Variants in ADGRL3 observed in about 807,000 individuals in gnomAD.
ADGRL3 encodes adhesion G protein-coupled receptor L3.
Under a neutral mutation model 153.5 loss-of-function variants are expected in ADGRL3, and 62 were observed. That is an observed-to-expected ratio of 0.40 (90% CI 0.33 to 0.50). The LOEUF is 0.50. Among genes scored for constraint, ADGRL3 ranks in the 20% least tolerant of loss-of-function variants. The pLI, the probability that ADGRL3 is intolerant of heterozygous loss-of-function variation, is 0.47. For missense variants in ADGRL3, 1,641 were observed against 1,859.4 expected (o/e 0.88, Z 2.16); for synonymous variants, 710 against 672.5 (o/e 1.06, Z -0.86).
At chr4:62,041,286 C>T (rs1728134004) in intron 24 of ADGRL3, among the ~76,000 whole-genome samples, 1 of 152,030 alleles carries the variant, frequency 6.6e-6, no homozygotes, top group African/African-American at 2.4e-5. Flanking sequence ...TTATAATATG[C>T]ATCAGTCACA....
chr4:61,771,906 A>G, intron 8 of ADGRL3, among the ~76,000 whole-genome samples: 1 of 152,170 alleles, frequency 6.6e-6, no homozygotes, highest in East Asian at 1.9e-4. Flanking sequence ...AAAACCTCCT[A>G]CAAGCTAGTC....
At chr4:61,805,725 G>A (rs1008870185) in intron 8 of ADGRL3, among the ~76,000 whole-genome samples, 1 of 151,956 alleles carries the variant, frequency 6.6e-6, no homozygotes, top group African/African-American at 2.4e-5. Flanking sequence ...CCTAATAATT[G>A]TATTATTTTG....
intron 9 of ADGRL3, among the ~76,000 whole-genome samples, chr4:61,871,075 G>A (rs9997620): frequency 0.36 from 55,435 of 151,914 alleles, 10,705 homozygotes; most frequent in African/African-American, 0.47. Flanking sequence ...TCAGGAGATC[G>A]AGACCATCCT....
chr4:61,283,367 G>A (rs913440208), intron 1 of ADGRL3, among the ~76,000 whole-genome samples: 2 of 152,066 alleles, frequency 1.3e-5, no homozygotes, highest in Non-Finnish European at 2.9e-5. Context: ...CCTAAGAACT[G>A]AGAGTTTTTC....
At chr4:61,784,683 T>A (rs1013181674) in intron 8 of ADGRL3, among the ~76,000 whole-genome samples, 5 of 152,232 alleles carry the variant, frequency 3.3e-5, no homozygotes, top group Admixed American at 3.3e-4. Context: ...TTCCTAAGAA[T>A]TGGGTTCAGA....
chr4:61,841,733 C>A (rs914998270), intron 9 of ADGRL3, among the ~76,000 whole-genome samples: 38 of 152,200 alleles, frequency 2.5e-4, no homozygotes, highest in African/African-American at 8.2e-4. Context: ...AAAATAATTT[C>A]CACTGCTGAA....
At chr4:62,040,648 C>G (rs1230078677) in intron 24 of ADGRL3, among the ~76,000 whole-genome samples, 1 of 152,066 alleles carries the variant, frequency 6.6e-6, no homozygotes, top group South Asian at 2.1e-4. Context: ...CTTCTAATCT[C>G]TGGGGATAAA....
intron 5 of ADGRL3, among the ~76,000 whole-genome samples, chr4:61,665,485 T>A (rs911919126): frequency 1.3e-5 from 2 of 152,030 alleles, no homozygotes; most frequent in Non-Finnish European, 2.9e-5. Context: ...TGTTATCGTC[T>A]CCAAGTAATA....
At chr4:61,234,740 G>A (rs1450340597) in intron 1 of ADGRL3, among the ~76,000 whole-genome samples, 1 of 152,134 alleles carries the variant, frequency 6.6e-6, no homozygotes, top group Non-Finnish European at 1.5e-5. Context: ...AGCAGTTTTA[G>A]TGAAGGGTGG....
chr4:61,592,455 A>G (rs2098973619), intron 5 of ADGRL3, among the ~76,000 whole-genome samples: 1 of 152,214 alleles, frequency 6.6e-6, no homozygotes, highest in Non-Finnish European at 1.5e-5. Context: ...TCTATGTAAT[A>G]AAAAGAAAGA....
At chr4:61,857,004 CTT>C (rs769065630) in intron 9 of ADGRL3, among the ~76,000 whole-genome samples, 5,610 of 122,120 alleles carry the variant, frequency 0.046, 276 homozygotes, top group African/African-American at 0.066. Context: ...TTCTTTCTTT[CTT>C]TCTTTCTTTC....
chr4:61,620,762 TC>T (rs2092448840), intron 5 of ADGRL3, among the ~76,000 whole-genome samples: 1 of 144,454 alleles, frequency 6.9e-6, no homozygotes, highest in African/African-American at 2.6e-5. Flanking sequence ...TGCCTCAGCC[TC>T]CCAAGTAGCT....
chr4:61,815,566 G>A (rs1205735453), intron 9 of ADGRL3, among the ~76,000 whole-genome samples: 2 of 152,182 alleles, frequency 1.3e-5, no homozygotes, highest in East Asian at 1.9e-4. Flanking sequence ...AGGGAAAGGG[G>A]CAGAAATGCC....
At chr4:61,836,631 A>G (rs2097940023) in intron 9 of ADGRL3, among the ~76,000 whole-genome samples, 1 of 152,098 alleles carries the variant, frequency 6.6e-6, no homozygotes, top group Non-Finnish European at 1.5e-5. Flanking sequence ...CCTTATGCTA[A>G]TATTTTTCCT....
At chr4:61,390,383 T>C (rs2096788763) in intron 2 of ADGRL3, among the ~76,000 whole-genome samples, 1 of 152,210 alleles carries the variant, frequency 6.6e-6, no homozygotes, top group East Asian at 1.9e-4. Context: ...CAAAAAAGGC[T>C]GCTTATTTCT....
intron 1 of ADGRL3, among the ~76,000 whole-genome samples, 182 bp downstream of exon 1, chr4:61,201,947 T>A (rs1577835234): frequency 6.6e-6 from 1 of 152,102 alleles, no homozygotes; most frequent in South Asian, 2.1e-4. Flanking sequence ...GAAGGGAACC[T>A]CCTGGCTGGT....
chr4:61,749,633 C>G (rs917784922), intron 8 of ADGRL3, among the ~76,000 whole-genome samples: 2 of 152,070 alleles, frequency 1.3e-5, no homozygotes, highest in Admixed American at 6.6e-5. Context: ...ACTGCATATT[C>G]TCATTCATAG....
At chr4:61,843,505 A>G (rs1470320689) in intron 9 of ADGRL3, among the ~76,000 whole-genome samples, 1 of 152,152 alleles carries the variant, frequency 6.6e-6, no homozygotes. Flanking sequence ...CTGATACAAT[A>G]TGCAAGAGGA....
chr4:61,312,052 TG>T (rs773301818), intron 1 of ADGRL3, among the ~76,000 whole-genome samples: 2 of 152,056 alleles, frequency 1.3e-5, no homozygotes, highest in African/African-American at 2.4e-5. Context: ...AAAACTGCTC[TG>T]AAAAAAATAA....
Sources: gnomAD v4.1 joint callset for allele counts (sites outside exome capture counted in the v4.1 genomes callset) on GRCh38, gnomAD v4.1.1 for gene constraint, MANE v1.5 for transcripts, NCBI Gene and HGNC (gene_info 2026-07-23, HGNC 2026-07-21) for gene names.